LRP2: variants seen among roughly 807,000 people sequenced by gnomAD.
LRP2 encodes the protein LDL receptor related protein 2.
In LRP2, 172 loss-of-function variants were observed where a neutral mutation model predicts 531.0. That is an observed-to-expected ratio of 0.32 (90% CI 0.29 to 0.37). The LOEUF (loss-of-function observed/expected upper bound fraction) is 0.37. Among genes scored for constraint, LRP2 ranks in the 10% least tolerant of loss-of-function variants. The pLI is 1.00. For missense variants in LRP2, 5,167 were observed against 5,868.3 expected (o/e 0.88, Z 3.90); for synonymous variants, 1,992 against 2,027.6 (o/e 0.98, Z 0.47).
chr2:169,268,375 C>T (rs976994640), intron 16 of LRP2, among the ~76,000 whole-genome samples: 11 of 152,086 alleles, frequency 7.2e-5, no homozygotes, highest in African/African-American at 9.7e-5. Flanking sequence ...ACTGGCAAAC[C>T]GAATCCAGGA....
intron 1 of LRP2, among the ~76,000 whole-genome samples, chr2:169,359,597 A>G (rs1686089312): frequency 6.6e-6 from 1 of 152,172 alleles, no homozygotes; most frequent in African/African-American, 2.4e-5. Flanking sequence ...AGAAATCTCA[A>G]CGTATCAGGC....
intron 63 of LRP2, 22 bp from the exon 64 acceptor site, chr2:169,157,524 T>C: frequency 6.2e-7 from 1 of 1,611,220 alleles, no homozygotes; most frequent in Non-Finnish European, 8.5e-7. Context: ...AATCCCAGCA[T>C]TACAAACCAG....
intron 4 of LRP2, among the ~76,000 whole-genome samples, chr2:169,295,721 T>C (rs560214744): frequency 3.9e-5 from 6 of 152,336 alleles, no homozygotes; most frequent in Admixed American, 1.3e-4. Flanking sequence ...CTCTCTGTGC[T>C]TGAGAAATGT....
chr2:169,209,392 C>T, intron 38 of LRP2, 61 bp downstream of exon 38: 1 of 1,547,722 alleles, frequency 6.5e-7, no homozygotes, highest in Non-Finnish European at 8.9e-7. Context: ...GCTAAACTTT[C>T]TAGCATAAAA....
At chr2:169,313,389 G>A (rs1423133682) in intron 3 of LRP2, among the ~76,000 whole-genome samples, 1 of 152,080 alleles carries the variant, frequency 6.6e-6, no homozygotes, top group African/African-American at 2.4e-5. Flanking sequence ...ATGGGGTCTT[G>A]GTGTAGATGC....
intron 76 of LRP2, among the ~76,000 whole-genome samples, chr2:169,136,705 A>T (rs1382727904): frequency 7.0e-6 from 1 of 142,630 alleles, no homozygotes; most frequent in Non-Finnish European, 1.5e-5. Flanking sequence ...TACCTACCCA[A>T]ATCTTATAAA....
Position 169,256,234 on chromosome 2 carries a change from G to T in LRP2, c.2642C>A (p.Ala881Asp). ...WPNGLAIDWA[A>D]SRLYWVDAYF... ...GGCATCTACCCAGTACAATCGTGAA[G>T]CACTAAAATAATAAAATATTTAGTT... Residue 881 changes from alanine to aspartate, a missense_variant and splice_region_variant, in exon 19 of 79, where the codon GCT (alanine) becomes GAT (aspartate). Ala to Asp is a moderately radical substitution (Grantham distance 126). Coordinates refer to ENST00000649046, the MANE Select transcript of LRP2 (RefSeq NM_004525.3). The T allele has an allele frequency of 1.2e-6, 2 of 1,611,068 alleles. No individual in the cohort carries two copies. The highest frequency in any genetic ancestry group is 1.7e-6 in the Non-Finnish European group (2 of 1,177,996).
chr2:169,182,656 A>C (rs182757934), intron 50 of LRP2: 1 of 985,296 alleles, frequency 1.0e-6, no homozygotes, highest in East Asian at 1.1e-4. Flanking sequence ...ACAGGGAAGC[A>C]GAGGTGAGTA....
At chr2:169,303,495 A>T (rs1462052526) in intron 4 of LRP2, among the ~76,000 whole-genome samples, 1 of 152,164 alleles carries the variant, frequency 6.6e-6, no homozygotes, top group African/African-American at 2.4e-5. Context: ...CACTTTCCAC[A>T]AGAGCTTTAA....
At chr2:169,246,630 C>A in intron 21 of LRP2, 75 bp downstream of exon 21, 3 of 1,536,296 alleles carry the variant, frequency 2.0e-6, no homozygotes, top group Admixed American at 1.7e-5. Context: ...ATAGCCCAAG[C>A]TTTTATTTAT....
At position 169,191,848 on chromosome 2, in the gene LRP2, T is replaced by G; in HGVS notation, c.9016A>C (p.Ile3006Leu). Residue 3006 changes from isoleucine (I) to leucine (L), a missense_variant, in exon 48 of 79, where the codon ATC becomes CTC. Ile to Leu is a conservative substitution (Grantham distance 5). Around this residue, in one of 6 missense-constraint regions of LRP2, gnomAD observed 1,129 missense variants for 1,362.7 expected, o/e 0.83. Coordinates refer to ENST00000649046, the MANE Select transcript of LRP2 (RefSeq NM_004525.3). ...NEFTCGYGLC[I>L]PKIFRCDRHN... ...TCAATTCACCTGAATATCTTTGGGATACACAGTCCGTAACCACAGGTGAAT... is the reference window on the plus strand; with the variant it reads ...TCAATTCACCTGAATATCTTTGGGAGACACAGTCCGTAACCACAGGTGAAT... 10 of 1,614,094 alleles carry G rather than the reference T, an allele frequency of 6.2e-6. No homozygotes were observed. Among genetic ancestry groups the G allele is most frequent in the Non-Finnish European group, 8.5e-6 (10 of 1,179,982 alleles).
intron 76 of LRP2, among the ~76,000 whole-genome samples, chr2:169,137,177 C>T (rs1042659171): frequency 1.3e-5 from 2 of 152,252 alleles, no homozygotes; most frequent in African/African-American, 4.8e-5. Flanking sequence ...GCTGCCAAAC[C>T]TCCACCACTG....
chr2:169,275,429 G>A, intron 13 of LRP2, 191 bp from the exon 14 acceptor site: 1 of 582,532 alleles, frequency 1.7e-6, no homozygotes, highest in East Asian at 3.0e-5. Flanking sequence ...TTTTCATGTT[G>A]TCTCTTGGAA....
chr2:169,203,929 T>G, intron 42 of LRP2, 53 bp downstream of exon 42: 16 of 1,581,056 alleles, frequency 1.0e-5, no homozygotes, highest in Non-Finnish European at 1.3e-5. Context: ...CCTTACCAAT[T>G]GGTATTGTGA....
rs911115836 is a variant in LRP2, at chr2:169,154,527, C to T, written c.12228G>A (p.Glu4076=). The T allele has an allele frequency of 3.1e-6, 5 of 1,611,544 alleles. No individual in the cohort carries two copies. The highest frequency in any genetic ancestry group is 4.2e-6 in the Non-Finnish European group (5 of 1,177,776). The change falls in exon 66 of 79, where the codon GAG becomes GAA. Residue 4076 remains glutamate (E), a synonymous_variant. Transcript: ENST00000649046. The part of the protein sequence containing the change: ...KYNLSSERFS[E]YLQDEEYIQA... Reference sequence around the variant, plus strand: ...GGATATATTCCTCATCTTGAAGATACTCTGAGAACCTCTCAGATGAGAGAT... The same window carrying T: ...GGATATATTCCTCATCTTGAAGATATTCTGAGAACCTCTCAGATGAGAGAT...
chr2:169,346,122 GCAA>G (rs1361719938), intron 1 of LRP2, among the ~76,000 whole-genome samples: 5 of 152,144 alleles, frequency 3.3e-5, no homozygotes, highest in African/African-American at 1.2e-4. Context: ...TTCACAATCA[GCAA>G]CAACTATTAA....
chr2:169,196,859 T>G (rs1033826010), intron 46 of LRP2, 52 bp downstream of exon 46: 2 of 1,612,306 alleles, frequency 1.2e-6, no homozygotes, highest in African/African-American at 2.7e-5. Context: ...TGGAAGAGAC[T>G]GAAGTTGTCT....
At chr2:169,242,316 G>A (rs1689836768) in intron 24 of LRP2, among the ~76,000 whole-genome samples, 1 of 152,172 alleles carries the variant, frequency 6.6e-6, no homozygotes, top group Non-Finnish European at 1.5e-5. Context: ...TTTCCAGTCT[G>A]TGAAGATTAT....
chr2:169,303,318 G>A (rs560370775), intron 4 of LRP2, among the ~76,000 whole-genome samples: 105 of 152,216 alleles, frequency 6.9e-4, no homozygotes, highest in African/African-American at 2.5e-3. Context: ...AAGAGCACAG[G>A]CATATGGTTT....
Sources: gnomAD v4.1 joint callset for allele counts (sites outside exome capture counted in the v4.1 genomes callset) on GRCh38, gnomAD v4.1.1 for gene constraint, gnomAD v4.1.1 regional missense constraint, MANE v1.5 for transcripts, NCBI Gene and HGNC (gene_info 2026-07-23, HGNC 2026-07-21) for gene names.